Variants in CDHR2 observed in about 807,000 individuals in gnomAD.
CDHR2 encodes cadherin-related family member 2.
CDHR2 carries 104 observed loss-of-function variants against 138.6 expected under a neutral mutation model. That is an observed-to-expected ratio of 0.75 (90% confidence interval 0.64 to 0.88). CDHR2 has a LOEUF of 0.88. Among genes scored for constraint, CDHR2 ranks in the 40% least tolerant of loss-of-function variants. The probability of loss-of-function intolerance (pLI) is 0.00; values close to 1 mark genes in which losing one functional copy is unlikely to be tolerated. For synonymous variants in CDHR2, 755 were observed against 742.8 expected, an observed-to-expected ratio of 1.02 and a Z score of -0.27; for missense variants, 1,624 against 1,727.6, an observed-to-expected ratio of 0.94 and a Z score of 1.06.
chr5:176,591,362 G>A (rs754725452), intron 29 of CDHR2, 39 bp downstream of exon 29: 1 of 1,609,110 alleles, frequency 6.2e-7, no homozygotes, highest in Non-Finnish European at 8.5e-7. Context: ...GGCCTGGTGG[G>A]GTGGCTGAGG....
chr5:176,558,211 C>CCTA lies in CDHR2; in HGVS notation c.-15-7127_-15-7126insCTA, dbSNP rs1757884057. Among the ~76,000 whole-genome samples the CCTA allele has an allele frequency of 7.0e-5, 4 of 57,538 alleles. 1 individual carries two copies. The highest frequency in any genetic ancestry group is 5.7e-5 in the African/African-American group (1 of 17,546). 37.7% of individuals were successfully genotyped at this position (57,538 alleles called of 152,430 possible). On this transcript the variant is annotated intron_variant, in intron 1 of 31. Transcript: ENST00000261944. The stretch of plus-strand genomic sequence containing the variant: ...GGTTTTGCTTGCTTAGTTTTCTTTT[C>CCTA]TTATTTTTTTTTTTTTTTTTTTGAG...
chr5:176,595,165 A>G (rs1365232362), intron 31 of CDHR2, among the ~76,000 whole-genome samples: 1 of 151,786 alleles, frequency 6.6e-6, no homozygotes, highest in African/African-American at 2.4e-5. Flanking sequence ...ATGGACCTCA[A>G]CCCACACGGT....
chr5:176,577,912 T>C, intron 14 of CDHR2, 114 bp downstream of exon 14: 1 of 1,478,322 alleles, frequency 6.8e-7, no homozygotes. Flanking sequence ...TGAGTGAATC[T>C]GAGTGTGCTG....
rs928920479 is a variant in CDHR2, at chr5:176,543,139, C to T, written c.-16+370C>T. 6.6e-6 allele frequency among the ~76,000 whole-genome samples: 1 copy of T among 151,126 alleles called. No individual in the cohort carries two copies. Among genetic ancestry groups the T allele is most frequent in the Admixed American group, 6.6e-5 (1 of 15,190 alleles). On this transcript the variant is annotated intron_variant, in intron 1 of 31. Transcript: ENST00000510636. The surrounding 1 kb of genome is among the most constrained non-coding windows in gnomAD (Gnocchi z 4.0). ...CGAGCTCCCGCCGTGCGGGCGCCGG[C>T]AGAGGCCTGGCGGGAAGACCCCGCG...
In CDHR2 at chr5:176,581,544, G is replaced by A. The variant is rs1238894485; in HGVS notation, c.2020G>A (p.Val674Ile). Residue 674 changes from valine to isoleucine, a missense_variant, in exon 17 of 32, where the codon GTC (valine) becomes ATC (isoleucine). Around this residue, in one of 3 missense-constraint regions of CDHR2, gnomAD observed 1,061 missense variants for 1,136.6 expected, o/e 0.93. Transcript: ENST00000261944. ...GCTTGTGTCTGACTGCGGCGAGCCT[G>A]TCCTCGGCACCAAAGTCAATGTCAC... ...TVLVSDCGEP[V>I]LGTKVNVTIT... is the part of the protein sequence containing the mutation. 4 of 1,614,072 alleles carry A rather than the reference G, an allele frequency of 2.5e-6. No individual in the cohort carries two copies. Among genetic ancestry groups the A allele is most frequent in the East Asian group, 2.2e-5 (1 of 44,884 alleles).
Position 176,590,608 on chromosome 5 carries a change from A to G in CDHR2, c.3460A>G (p.Ser1154Gly), listed in dbSNP as rs1343997732. Reference sequence around the variant, plus strand: ...GTCAGACCTGTCGAAACAGCTCATCAGTGTCATCATAGGATTGGGAGTGGC... The same window carrying G: ...GTCAGACCTGTCGAAACAGCTCATCGGTGTCATCATAGGATTGGGAGTGGC... Reference protein sequence around the residue: ...QESDLSKQLISVIIGLGVALL... With the variant: ...QESDLSKQLIGVIIGLGVALL... Residue 1154 changes from serine to glycine, a missense_variant, in exon 28 of 32, where the codon AGT becomes GGT. By Grantham distance (56) the Ser-to-Gly change is moderately conservative. This residue lies in a region of CDHR2 where 556 missense variants were observed against 565.7 expected (regional missense o/e 0.98). Transcript: ENST00000261944. The G allele has an allele frequency of 2.5e-6, 4 of 1,614,048 alleles. No individual in the cohort carries two copies. The highest frequency in any genetic ancestry group is 3.3e-5 in the Admixed American group (2 of 60,018).
chr5:176,583,963 A>C (rs1758585576), intron 17 of CDHR2, among the ~76,000 whole-genome samples: 1 of 152,058 alleles, frequency 6.6e-6, no homozygotes, highest in Non-Finnish European at 1.5e-5. Context: ...CTTCCTGAGG[A>C]TGGATGTGTA....
chr5:176,560,536 T>G (rs756027380), intron 1 of CDHR2, among the ~76,000 whole-genome samples: 5 of 152,210 alleles, frequency 3.3e-5, no homozygotes, highest in Non-Finnish European at 7.3e-5. Context: ...CCATACCACT[T>G]AAAGCGGTTC....
Position 176,584,733 on chromosome 5 carries a change from GT to G in CDHR2, c.2453del (p.Val818GlyfsTer30). 2 of 1,614,226 alleles carry G rather than the reference GT, an allele frequency of 1.2e-6. No homozygotes were observed. Among genetic ancestry groups the G allele is most frequent in the Non-Finnish European group, 1.7e-6 (2 of 1,180,040 alleles). On this transcript the variant is annotated frameshift_variant, in exon 19 of 32. Transcript: ENST00000261944. LOFTEE classifies it high-confidence loss of function. ...LDVASLRGIR[V>X]AENGSQHGQV... ...TGTAGCCTCACTCCGGGGCATCCGT[GT>G]GGCTGAGAATGGCTCACAGCACGGC...
intron 3 of CDHR2, among the ~76,000 whole-genome samples, chr5:176,567,980 G>A (rs1474223156): frequency 6.6e-6 from 1 of 152,214 alleles, no homozygotes; most frequent in Non-Finnish European, 1.5e-5. Context: ...AAGTATCAGG[G>A]GACGTAGGCT....
At chr5:176,572,598 C>T (rs1384613355) in intron 6 of CDHR2, among the ~76,000 whole-genome samples, 2 of 152,128 alleles carry the variant, frequency 1.3e-5, no homozygotes, top group Non-Finnish European at 2.9e-5. Flanking sequence ...TGGGCCTTCC[C>T]CGCAGCAAGG....
chr5:176,569,769 GCCAACATGGAGAAACCC>G (rs901832974), intron 5 of CDHR2, among the ~76,000 whole-genome samples: 1 of 151,940 alleles, frequency 6.6e-6, no homozygotes, highest in African/African-American at 2.4e-5. Context: ...GACCACCCTG[GCCAACATGGAGAAACCC>G]CCATCTCTAC....
At position 176,591,285 on chromosome 5, in the gene CDHR2, C is replaced by T. The variant is rs746620214; in HGVS notation, c.3615C>T (p.Ala1205=). ...CAGCAGCAGGGGTGATGCCCTCAGC[C>T]CCTGCCATCCCAGGGACTAACATGT... The part of the protein sequence containing the change: ...RKTAAGVMPS[A]PAIPGTNMYN... The change falls in exon 29 of 32, where the codon GCC becomes GCT. Residue 1205 remains alanine, a synonymous_variant. Transcript: ENST00000261944. 1.2e-5 allele frequency: 20 copies of T among 1,613,890 alleles called. No individual in the cohort carries two copies. The highest frequency in any genetic ancestry group is 1.6e-4 in the Middle Eastern group (1 of 6,084).
chr5:176,573,294 G>A (rs1424632270), intron 6 of CDHR2, among the ~76,000 whole-genome samples: 1 of 152,028 alleles, frequency 6.6e-6, no homozygotes, highest in Non-Finnish European at 1.5e-5. Flanking sequence ...AAGGAGAAGA[G>A]TTATGTGGTC....
At chr5:176,591,735 TGTGATG>T (rs1385767165) in intron 30 of CDHR2, 1 of 411,382 alleles carries the variant, frequency 2.4e-6, no homozygotes, top group East Asian at 4.0e-5. Context: ...TGGTGATGGT[TGTGATG>T]GTGATGGTGG....
Position 176,592,724 on chromosome 5 carries a change from G to A in CDHR2, c.3736G>A (p.Val1246Ile), listed in dbSNP as rs752404135. 5.1e-5 allele frequency: 82 copies of A among 1,613,572 alleles called. No homozygotes were observed. The highest frequency in any genetic ancestry group is 1.0e-4 in the Admixed American group (6 of 59,982). The change falls in exon 31 of 32, where the codon GTC (valine) becomes ATC (isoleucine). Residue 1246 changes from valine to isoleucine, a missense_variant and splice_region_variant. Coordinates refer to ENST00000261944, the MANE Select transcript of CDHR2 (RefSeq NM_017675.6). Reference sequence around the variant, plus strand: ...TGAGCTCCATCACCTCTCTTACAGCGTCAACTCCCTGGACGACAACTCTGT... The same window carrying A: ...TGAGCTCCATCACCTCTCTTACAGCATCAACTCCCTGGACGACAACTCTGT... ...SPSNDLDSVS[V>I]NSLDDNSVDV...
chr5:176,557,868 C>T (rs113694738), intron 1 of CDHR2, among the ~76,000 whole-genome samples: 6 of 151,638 alleles, frequency 4.0e-5, no homozygotes, highest in Non-Finnish European at 7.4e-5. Flanking sequence ...CCACCATGCC[C>T]GGCTAATATT....
Position 176,553,945 on chromosome 5 carries a change from G to A in CDHR2, c.-16+4531G>A, listed in dbSNP as rs1021048729. 3.3e-5 allele frequency among the ~76,000 whole-genome samples: 5 copies of A among 152,306 alleles called. No individual in the cohort carries two copies. Among genetic ancestry groups the A allele is most frequent in the East Asian group, 3.9e-4 (2 of 5,192 alleles). On this transcript the variant is annotated intron_variant, in intron 1 of 31. Coordinates refer to ENST00000261944, the MANE Select transcript of CDHR2 (RefSeq NM_017675.6). This position sits in a 1 kb window ranked among gnomAD's most constrained non-coding sequence, Gnocchi z 4.3. Reference sequence around the variant, plus strand: ...GCGCTATGATGTCACTCTCCAGGGTGTAGCTGTACCCACATCGCTGTCCCT... The same window carrying A: ...GCGCTATGATGTCACTCTCCAGGGTATAGCTGTACCCACATCGCTGTCCCT...
chr5:176,575,433 G>C lies in CDHR2; in HGVS notation c.768+7G>C. ...GGCTGAGGATGCAGCCAAGGTGCAC[G>C]GGGGACCTGTGGGGTGTGGGTGGAG... On this transcript the variant is annotated splice_region_variant and intron_variant, in intron 9 of 31. Transcript: ENST00000261944. The C allele has an allele frequency of 1.2e-6, 2 of 1,614,208 alleles. No individual in the cohort carries two copies. Among genetic ancestry groups the C allele is most frequent in the Admixed American group, 1.7e-5 (1 of 60,026 alleles).
Sources: gnomAD v4.1 joint callset for allele counts (sites outside exome capture counted in the v4.1 genomes callset) on GRCh38, gnomAD v4.1.1 for gene constraint, gnomAD v4.1.1 regional missense constraint, Gnocchi (gnomAD v3.1) non-coding constraint, MANE v1.5 for transcripts, NCBI Gene and HGNC (gene_info 2026-07-23, HGNC 2026-07-21) for gene names.